Variants in CMIP observed in about 807,000 individuals in gnomAD.
The protein encoded by CMIP is C-Maf-inducing protein.
In CMIP, 13 loss-of-function variants were observed where a neutral mutation model predicts 97.3. The observed-to-expected ratio is 0.13, with a 90% CI of 0.09 to 0.21. CMIP has a LOEUF of 0.21. Among genes scored for constraint, CMIP ranks in the 10% least tolerant of loss-of-function variants. CMIP has a pLI of 1.00. For missense variants in CMIP, 847 were observed against 1,024.9 expected, an observed-to-expected ratio of 0.83 and a Z score of 2.37; for synonymous variants, 538 against 436.3, an observed-to-expected ratio of 1.23 and a Z score of -2.91.
intron 1 of CMIP, among the ~76,000 whole-genome samples, chr16:81,554,252 A>G (rs184487330): frequency 2.2e-4 from 34 of 152,266 alleles, no homozygotes; most frequent in African/African-American, 7.5e-4. Context: ...CAGATGTGCA[A>G]TTAGCATTCA....
At chr16:81,659,533 A>G (rs778519489) in intron 5 of CMIP, among the ~76,000 whole-genome samples, 3 of 152,204 alleles carry the variant, frequency 2.0e-5, no homozygotes, top group Non-Finnish European at 4.4e-5. Context: ...GGGGACTTAC[A>G]TGTGCAAAGG....
At chr16:81,524,520 C>T (rs566843319) in intron 1 of CMIP, among the ~76,000 whole-genome samples, 4 of 152,358 alleles carry the variant, frequency 2.6e-5, no homozygotes, top group South Asian at 4.1e-4. Context: ...GAGACAGTGT[C>T]TGCAAAATGC....
At chr16:81,490,297 T>A (rs1382599206) in intron 1 of CMIP, among the ~76,000 whole-genome samples, 1 of 152,220 alleles carries the variant, frequency 6.6e-6, no homozygotes, top group Non-Finnish European at 1.5e-5. Context: ...TGCAGAGGCC[T>A]GATGCTATTG....
At chr16:81,553,151 C>T (rs1402497805) in intron 1 of CMIP, among the ~76,000 whole-genome samples, 1 of 152,174 alleles carries the variant, frequency 6.6e-6, no homozygotes, top group African/African-American at 2.4e-5. Context: ...CCCACTGTTT[C>T]TCAGTCTTCC....
At chr16:81,540,319 C>G (rs2090424826) in intron 1 of CMIP, among the ~76,000 whole-genome samples, 2 of 152,154 alleles carry the variant, frequency 1.3e-5, no homozygotes, top group South Asian at 4.1e-4. Context: ...GGCTTGCTCA[C>G]CCTGGCTGAG....
At chr16:81,538,600 C>G (rs906361878) in intron 1 of CMIP, among the ~76,000 whole-genome samples, 1 of 152,072 alleles carries the variant, frequency 6.6e-6, no homozygotes, top group African/African-American at 2.4e-5. Flanking sequence ...TTTTCTTGGT[C>G]TGGTCTTGAT....
At chr16:81,482,032 C>T (rs543866136) in intron 1 of CMIP, among the ~76,000 whole-genome samples, 8 of 152,208 alleles carry the variant, frequency 5.3e-5, no homozygotes, top group African/African-American at 1.9e-4. Flanking sequence ...GTGTGCGCCA[C>T]CACACCTAGC....
At chr16:81,540,914 T>G (rs377184469) in intron 1 of CMIP, among the ~76,000 whole-genome samples, 1 of 151,262 alleles carries the variant, frequency 6.6e-6, no homozygotes, top group Admixed American at 6.6e-5. Context: ...TCTCCTGACC[T>G]CATGATCCAC....
At position 81,684,465 on chromosome 16, in the gene CMIP, T is replaced by G. The variant is rs150344722; in HGVS notation, c.1388+5837T>G. Among the ~76,000 whole-genome samples, 638 of 152,346 alleles carry G rather than the reference T, an allele frequency of 4.2e-3. 7 individuals carry two copies. The highest frequency in any genetic ancestry group is 0.015 in the African/African-American group (617 of 41,588). On this transcript the variant is annotated intron_variant, in intron 10 of 20. Transcript: ENST00000537098. ...TGTGAGTCAGGGAAAGCAGCGAGGCTGGCAGGAAGCGTCCTGTCCACAGGG... is the reference window on the plus strand; with the variant it reads ...TGTGAGTCAGGGAAAGCAGCGAGGCGGGCAGGAAGCGTCCTGTCCACAGGG...
chr16:81,601,817 T>TCAGTTAGCGAGCGGTCCCAC (rs2091662984), intron 1 of CMIP, among the ~76,000 whole-genome samples: 2 of 152,152 alleles, frequency 1.3e-5, no homozygotes, highest in South Asian at 4.1e-4. Flanking sequence ...TTGCGGGCAC[T>TCAGTTAGCGAGCGGTCCCAC]CAGTTAGCGA....
At chr16:81,570,306 T>G (rs2091063842) in intron 1 of CMIP, among the ~76,000 whole-genome samples, 1 of 152,134 alleles carries the variant, frequency 6.6e-6, no homozygotes, top group Admixed American at 6.6e-5. Context: ...GTTGTCAGTT[T>G]AGAGGCAGTG....
chr16:81,554,690 C>A (rs538347840), intron 1 of CMIP, among the ~76,000 whole-genome samples: 1 of 152,174 alleles, frequency 6.6e-6, no homozygotes, highest in Non-Finnish European at 1.5e-5. Flanking sequence ...CCTGCAGCCA[C>A]TTCTCTGGCT....
chr16:81,599,610 A>C (rs2091623548), intron 1 of CMIP, among the ~76,000 whole-genome samples: 1 of 152,190 alleles, frequency 6.6e-6, no homozygotes, highest in African/African-American at 2.4e-5. Context: ...GTGAGCACAA[A>C]GGTACACAAA....
intron 1 of CMIP, chr16:81,476,460 G>C (rs955352796): frequency 1.2e-6 from 1 of 855,358 alleles, no homozygotes; most frequent in African/African-American, 1.6e-5. Context: ...GCTCGAAGGA[G>C]ATGCGGCCCA....
At chr16:81,552,576 C>G (rs1223901254) in intron 1 of CMIP, among the ~76,000 whole-genome samples, 3 of 152,194 alleles carry the variant, frequency 2.0e-5, no homozygotes, top group African/African-American at 4.8e-5. Context: ...GTACCATCTC[C>G]CAGCCTCTCT....
intron 3 of CMIP, among the ~76,000 whole-genome samples, chr16:81,644,228 G>C (rs74473471): frequency 0.012 from 1,790 of 152,318 alleles, 15 homozygotes; most frequent in Middle Eastern, 0.031. Context: ...AGTCATGGTG[G>C]TGCTGGTGCC....
intron 1 of CMIP, among the ~76,000 whole-genome samples, chr16:81,523,052 A>G (rs1005353279): frequency 1.3e-5 from 2 of 152,000 alleles, no homozygotes; most frequent in Non-Finnish European, 1.5e-5. Context: ...TCAGCCCCCC[A>G]AGTAGCTGGG....
chr16:81,709,372 G>C (rs780104590), intron 20 of CMIP, among the ~76,000 whole-genome samples: 3 of 152,202 alleles, frequency 2.0e-5, no homozygotes, highest in Non-Finnish European at 2.9e-5. Context: ...AGGGACTAGA[G>C]TCAGATGGGC....
At chr16:81,703,740 G>T in intron 17 of CMIP, 199 bp from the exon 18 acceptor site, 1 of 638,018 alleles carries the variant, frequency 1.6e-6, no homozygotes, top group South Asian at 2.1e-5. Flanking sequence ...CATGGGATGC[G>T]TGGCAGCCCC....
Sources: gnomAD v4.1 joint callset for allele counts (sites outside exome capture counted in the v4.1 genomes callset) on GRCh38, gnomAD v4.1.1 for gene constraint, MANE v1.5 for transcripts, NCBI Gene and HGNC (gene_info 2026-07-23, HGNC 2026-07-21) for gene names.